The following TENT2 variants were observed in gnomAD, a reference collection of about 807,000 sequenced individuals.
TENT2 encodes poly(A) RNA polymerase GLD2.
In TENT2, 44 loss-of-function variants were observed where a neutral mutation model predicts 72.2. The observed-to-expected ratio is 0.61, with a 90% CI of 0.48 to 0.78. The LOEUF is 0.78. TENT2 is among the 30% of genes least tolerant of loss of function. The probability of loss-of-function intolerance (pLI) is 0.00; values close to 1 mark genes in which losing one functional copy is unlikely to be tolerated. For synonymous variants in TENT2, 212 were observed against 192.5 expected (o/e 1.10, Z -0.84); for missense variants, 541 against 569.6 (o/e 0.95, Z 0.51).
rs1274853457 is a variant in TENT2, at chr5:79,632,792, C to A, written c.466-8059C>A. Among the ~76,000 whole-genome samples the A allele has an allele frequency of 2.0e-5, 3 of 152,040 alleles. No homozygotes were observed. The East Asian group carries it at 5.8e-4, about 29-fold the overall frequency. On this transcript the variant is annotated intron_variant, in intron 4 of 14. Transcript: ENST00000453514. ...AATTTATGTGTTTGTCAGAAAAATTCAAAAACCACTGAGATATAAATTTAC... is the reference window on the plus strand; with the variant it reads ...AATTTATGTGTTTGTCAGAAAAATTAAAAAACCACTGAGATATAAATTTAC...
intron 10 of TENT2, among the ~76,000 whole-genome samples, chr5:79,649,937 G>T (rs1792389942): frequency 1.3e-5 from 2 of 152,088 alleles, no homozygotes; most frequent in African/African-American, 4.8e-5. Context: ...TACTTAGCCT[G>T]ACACCAAGAG....
At chr5:79,680,697 C>G (rs948179727) in intron 13 of TENT2, among the ~76,000 whole-genome samples, 2 of 152,126 alleles carry the variant, frequency 1.3e-5, no homozygotes, top group Non-Finnish European at 2.9e-5. Context: ...TTCTTTCTGC[C>G]TCCAGTCTTT....
intron 3 of TENT2, among the ~76,000 whole-genome samples, chr5:79,622,441 C>T (rs1765852068): frequency 6.6e-6 from 1 of 152,176 alleles, no homozygotes. Context: ...AATACTTACT[C>T]TTTAATGATT....
Position 79,654,596 on chromosome 5 carries a change from T to C in TENT2, c.1028-2362T>C, listed in dbSNP as rs528699501. ...CTGGCCAACGTGGCGAAACCCTGTCTCTACTAAAATACAAAAAACTAGCTG... is the reference window on the plus strand; with the variant it reads ...CTGGCCAACGTGGCGAAACCCTGTCCCTACTAAAATACAAAAAACTAGCTG... On this transcript the variant is annotated intron_variant, in intron 10 of 14. Transcript: ENST00000453514. 3.3e-5 allele frequency among the ~76,000 whole-genome samples: 5 copies of C among 152,108 alleles called. No homozygotes were observed. In the South Asian group the frequency reaches 1.0e-3, roughly 32 times the overall value.
rs544794021 is a variant in TENT2, at chr5:79,656,289, A to G, written c.1028-669A>G. ...AAACGATTGGTGAAGGATGACACAA[A>G]TATGGTGATAACATGAGGATATAAT... On this transcript the variant is annotated intron_variant, in intron 10 of 14. Transcript: ENST00000453514. Among the ~76,000 whole-genome samples the G allele has an allele frequency of 5.9e-5, 9 of 152,076 alleles. No homozygotes were observed. In the East Asian group the frequency reaches 1.7e-3, roughly 29 times the overall value.
At chr5:79,634,879 TACTAAGTTACCCAGGCTATTCTTG>T (rs1778851010) in intron 4 of TENT2, among the ~76,000 whole-genome samples, 1 of 151,926 alleles carries the variant, frequency 6.6e-6, no homozygotes, top group South Asian at 2.1e-4. Flanking sequence ...GATGGGGTCT[TACTAAGTTACCCAGGCTATTCTTG>T]AACTCCTGGG....
At chr5:79,624,836 T>C (rs1207134230) in intron 4 of TENT2, among the ~76,000 whole-genome samples, 1 of 152,246 alleles carries the variant, frequency 6.6e-6, no homozygotes, top group Non-Finnish European at 1.5e-5. Context: ...GTTTCCACTT[T>C]TTGTCTGTTA....
intron 4 of TENT2, among the ~76,000 whole-genome samples, chr5:79,632,878 A>G (rs908497135): frequency 2.0e-5 from 3 of 152,152 alleles, no homozygotes; most frequent in African/African-American, 7.2e-5. Flanking sequence ...TTTTTTTCCT[A>G]TCTTTCTTTT....
intron 4 of TENT2, among the ~76,000 whole-genome samples, chr5:79,629,835 A>C (rs1300869664): frequency 1.3e-5 from 2 of 148,648 alleles, no homozygotes; most frequent in Admixed American, 6.7e-5. Flanking sequence ...TCAAAAAAAA[A>C]ATAATAACCA....
chr5:79,669,163 A>G (rs1810906035), intron 12 of TENT2, 135 bp downstream of exon 12: 1 of 1,100,706 alleles, frequency 9.1e-7, no homozygotes, highest in East Asian at 2.6e-5. Context: ...CCAGTGTTGT[A>G]AAGTTGTCCA....
At chr5:79,683,139 T>G (rs1440733912) in intron 14 of TENT2, among the ~76,000 whole-genome samples, 1 of 151,772 alleles carries the variant, frequency 6.6e-6, no homozygotes, top group Admixed American at 6.6e-5. Context: ...AGTGAGAGAC[T>G]CCACCTCTAA....
At chr5:79,644,838 T>C (rs984884528) in intron 7 of TENT2, 3 of 253,390 alleles carry the variant, frequency 1.2e-5, no homozygotes, top group Non-Finnish European at 2.2e-5. Context: ...CCTCTGCTGC[T>C]AGCCTAGATA....
At chr5:79,654,011 T>C (rs1173999224) in intron 10 of TENT2, among the ~76,000 whole-genome samples, 1 of 152,136 alleles carries the variant, frequency 6.6e-6, no homozygotes, top group Non-Finnish European at 1.5e-5. Flanking sequence ...GTAGAAAAGG[T>C]TAAAAAGATT....
Position 79,686,205 on chromosome 5 carries a change from T to G in TENT2, c.*932T>G, listed in dbSNP as rs1485818027. 1 of 152,594 alleles carries G rather than the reference T, an allele frequency of 6.6e-6. No homozygotes were observed. The highest frequency in any genetic ancestry group is 2.4e-5 in the African/African-American group (1 of 41,440). The allele number at this position is 152,594 out of a possible 1,614,324, so 9.5% of individuals were successfully genotyped here. A position where few individuals can be genotyped will look rare whatever the true frequency, so the allele number is the denominator to read the frequency against. ...AGGATTGTAATCTAAACTGGAATTTTTAGGCAGTAAGTCACCACAAAATGT... is the reference window on the plus strand; with the variant it reads ...AGGATTGTAATCTAAACTGGAATTTGTAGGCAGTAAGTCACCACAAAATGT... On this transcript the variant is annotated 3_prime_UTR_variant, in exon 15 of 15. Coordinates refer to ENST00000453514, the MANE Select transcript of TENT2 (RefSeq NM_001114394.3).
intron 11 of TENT2, among the ~76,000 whole-genome samples, chr5:79,665,842 CTT>C (rs1471531295): frequency 6.6e-6 from 1 of 151,946 alleles, no homozygotes; most frequent in East Asian, 1.9e-4. Context: ...TTCTCTTTGA[CTT>C]TTTGGTTGTT....
intron 12 of TENT2, among the ~76,000 whole-genome samples, chr5:79,674,899 G>A (rs1269028517): frequency 1.3e-5 from 2 of 152,082 alleles, no homozygotes; most frequent in East Asian, 1.9e-4. Flanking sequence ...TGAGGAGGAA[G>A]GAGTGATTAT....
intron 11 of TENT2, among the ~76,000 whole-genome samples, chr5:79,665,149 T>A (rs1806434794): frequency 6.6e-6 from 1 of 152,230 alleles, no homozygotes; most frequent in South Asian, 2.1e-4. Flanking sequence ...TAGTTCTTTT[T>A]CTTTTCAGGC....
chr5:79,640,110 G>C (rs895832206), intron 4 of TENT2, among the ~76,000 whole-genome samples: 2 of 152,126 alleles, frequency 1.3e-5, no homozygotes, highest in African/African-American at 4.8e-5. Flanking sequence ...TGAAAAATTA[G>C]CTGGGTGTGG....
chr5:79,645,174 A>T lies in TENT2; in HGVS notation c.803A>T (p.Lys268Met). 6.2e-7 allele frequency: 1 copy of T among 1,608,470 alleles called. No homozygotes were observed. The change falls in exon 8 of 15, where the codon AAG (lysine) becomes ATG (methionine). Residue 268 changes from lysine to methionine, a missense_variant. Coordinates refer to ENST00000453514, the MANE Select transcript of TENT2 (RefSeq NM_001114394.3). ...QLIRAKVPIV[K>M]FRDKVSCVEF... ...ATTCGAGCAAAAGTGCCAATTGTGA[A>T]GTTCAGGGATAAAGTCAGGTAAATA... is the stretch of plus-strand genomic sequence containing the variant.
Sources: allele counts gnomAD v4.1 joint callset (sites outside exome capture counted in the v4.1 genomes callset), GRCh38; gene constraint gnomAD v4.1.1; transcripts MANE v1.5; gene names NCBI Gene and HGNC (gene_info 2026-07-23, HGNC 2026-07-21).